Variants in ZNF652 observed in about 807,000 individuals in gnomAD.
ZNF652 encodes the protein zinc finger protein 652.
ZNF652 carries 16 observed loss-of-function variants against 45.2 expected under a neutral mutation model. The ratio of observed to expected loss-of-function variants is 0.35; its 90% confidence interval spans 0.24 to 0.54. ZNF652 has a LOEUF of 0.54. ZNF652 is among the 20% of genes least tolerant of loss of function. The pLI is 0.91. For missense variants in ZNF652, 614 were observed against 765.6 expected (o/e 0.80, Z 2.34); for synonymous variants, 250 against 260.6 (o/e 0.96, Z 0.39).
chr17:49,305,215 C>T (rs2069612767), intron 5 of ZNF652, among the ~76,000 whole-genome samples: 2 of 152,168 alleles, frequency 1.3e-5, no homozygotes, highest in Non-Finnish European at 2.9e-5. Flanking sequence ...AAAGTTCATT[C>T]AAACTTGGTG....
intron 1 of ZNF652, among the ~76,000 whole-genome samples, chr17:49,359,423 G>A (rs1169735237): frequency 6.6e-6 from 1 of 152,072 alleles, no homozygotes; most frequent in Non-Finnish European, 1.5e-5. Flanking sequence ...AGATTCCAAG[G>A]CTCCCTTGCC....
rs2069403500 is a variant in ZNF652, at chr17:49,291,472, A to G, written c.*6941T>C. The stretch of plus-strand genomic sequence containing the variant: ...CCTCACTTCCTATGAAATCATTTTC[A>G]AGTAATATGTAACATCCCTGATCTC... On this transcript the variant is annotated 3_prime_UTR_variant, in exon 6 of 6. Transcript: ENST00000430262. 1 of 152,210 alleles carries G rather than the reference A, an allele frequency of 6.6e-6. No homozygotes were observed. Among genetic ancestry groups the G allele is most frequent in the South Asian group, 2.1e-4 (1 of 4,828 alleles). 9.4% of individuals were successfully genotyped at this position (152,210 alleles called of 1,614,324 possible). A position where few individuals can be genotyped will look rare whatever the true frequency, so the allele number is the denominator to read the frequency against.
intron 1 of ZNF652, among the ~76,000 whole-genome samples, chr17:49,325,692 G>A (rs1400992355): frequency 2.6e-5 from 4 of 151,982 alleles, no homozygotes; most frequent in Admixed American, 2.6e-4. Flanking sequence ...GCATGGTGCT[G>A]CATGCCCGTG....
At position 49,312,043 on chromosome 17, in the gene ZNF652, C is replaced by T; in HGVS notation, c.1049-1G>A. ...GTAAATGGCATGTCTTTTGTGTGTGCTGCAACACAGAATGTACTTAGTGTC... is the reference window on the plus strand; with the variant it reads ...GTAAATGGCATGTCTTTTGTGTGTGTTGCAACACAGAATGTACTTAGTGTC... On this transcript the variant is annotated splice_acceptor_variant, in intron 3 of 5. Coordinates refer to ENST00000430262, the MANE Select transcript of ZNF652 (RefSeq NM_001145365.3). LOFTEE classifies it high-confidence loss of function. 6.2e-7 allele frequency: 1 copy of T among 1,606,562 alleles called. No homozygotes were observed.
intron 1 of ZNF652, among the ~76,000 whole-genome samples, chr17:49,330,311 G>C (rs1163813171): frequency 6.6e-6 from 1 of 152,064 alleles, no homozygotes; most frequent in Non-Finnish European, 1.5e-5. Flanking sequence ...TTATTATTTT[G>C]AGATGGAGTC....
chr17:49,347,083 C>A (rs1038108519), intron 1 of ZNF652, among the ~76,000 whole-genome samples: 2 of 152,122 alleles, frequency 1.3e-5, no homozygotes, highest in Non-Finnish European at 2.9e-5. Context: ...TGAAACACAC[C>A]AAATATGCTT....
chr17:49,319,417 G>A (rs1298760019), intron 1 of ZNF652, among the ~76,000 whole-genome samples: 3 of 151,490 alleles, frequency 2.0e-5, no homozygotes, highest in Non-Finnish European at 2.9e-5. Context: ...GTCGGATCAC[G>A]AGGTCAGGAG....
At chr17:49,299,601 G>A (rs1420253946) in intron 5 of ZNF652, among the ~76,000 whole-genome samples, 5 of 151,828 alleles carry the variant, frequency 3.3e-5, no homozygotes, top group Non-Finnish European at 7.4e-5. Context: ...GGCTGGTCTC[G>A]AACTCCTGAC....
intron 5 of ZNF652, among the ~76,000 whole-genome samples, chr17:49,308,407 G>C (rs1185225332): frequency 6.6e-6 from 1 of 152,138 alleles, no homozygotes; most frequent in African/African-American, 2.4e-5. Flanking sequence ...GAACCTCTGG[G>C]CTCAAGATAT....
chr17:49,321,022 C>A lies in ZNF652; in HGVS notation c.-258-3039G>T, dbSNP rs544731723. Among the ~76,000 whole-genome samples, 70 of 146,770 alleles carry A rather than the reference C, an allele frequency of 4.8e-4. No individual in the cohort carries two copies. The South Asian group carries it at 7.3e-3, about 15-fold the overall frequency. ...GAGCCACTGCACCCAGCCTAGGCTACACTTTTAAAACCACGCCCACAACTT... is the reference window on the plus strand; with the variant it reads ...GAGCCACTGCACCCAGCCTAGGCTAAACTTTTAAAACCACGCCCACAACTT... On this transcript the variant is annotated intron_variant, in intron 1 of 5. Coordinates refer to ENST00000430262, the MANE Select transcript of ZNF652 (RefSeq NM_001145365.3).
chr17:49,317,420 G>C lies in ZNF652; in HGVS notation c.306C>G (p.Asp102Glu). 6.2e-7 allele frequency: 1 copy of C among 1,614,088 alleles called. No individual in the cohort carries two copies. Among genetic ancestry groups the C allele is most frequent in the Non-Finnish European group, 8.5e-7 (1 of 1,180,032 alleles). ...AVKEDRENSDDTEEEEEEVSY... is the reference protein window; with the variant it reads ...AVKEDRENSDETEEEEEEVSY... ...AGACTTCTTCCTCTTCCTCCTCTGT[G>C]TCATCAGAATTCTCCCGGTCTTCCT... Residue 102 changes from aspartate (D) to glutamate (E), a missense_variant, in exon 2 of 6, where the codon GAC becomes GAG. Asp to Glu is a conservative substitution (Grantham distance 45, BLOSUM62 2). Transcript: ENST00000430262.
intron 1 of ZNF652, among the ~76,000 whole-genome samples, chr17:49,333,189 CT>C (rs2070043115): frequency 6.6e-6 from 1 of 151,248 alleles, no homozygotes; most frequent in Non-Finnish European, 1.5e-5. Flanking sequence ...TCCCGAGTAG[CT>C]GGGACTACAG....
chr17:49,327,731 AT>A, intron 1 of ZNF652, among the ~76,000 whole-genome samples: 2 of 5,980 alleles, frequency 3.3e-4, no homozygotes, highest in East Asian at 6.4e-3. Context: ...AAATAAATAA[AT>A]ATATATATAT....
At chr17:49,321,851 T>C (rs892320105) in intron 1 of ZNF652, among the ~76,000 whole-genome samples, 2 of 152,206 alleles carry the variant, frequency 1.3e-5, no homozygotes, top group Non-Finnish European at 2.9e-5. Flanking sequence ...GCAGCTCTAG[T>C]GGGAAAATGG....
rs2069987916 is a variant in ZNF652 at position 49,328,293 on chromosome 17, A to C, written c.-258-10310T>G. Among the ~76,000 whole-genome samples, 3 of 152,006 alleles carry C rather than the reference A, an allele frequency of 2.0e-5. No homozygotes were observed. The South Asian group carries it at 6.2e-4, about 32-fold the overall frequency. On this transcript the variant is annotated intron_variant, in intron 1 of 5. Transcript: ENST00000430262. Reference sequence around the variant, plus strand: ...AGGACAAGCAGAAGTCAGATGGAGAAGTGGGAAGGTAAGAATGTTGCACAC... The same window carrying C: ...AGGACAAGCAGAAGTCAGATGGAGACGTGGGAAGGTAAGAATGTTGCACAC...
At chr17:49,306,919 A>AT (rs2069637368) in intron 5 of ZNF652, among the ~76,000 whole-genome samples, 2 of 151,610 alleles carry the variant, frequency 1.3e-5, no homozygotes, top group Non-Finnish European at 2.9e-5. Context: ...CACTTGGCTA[A>AT]TTTTTTGTAT....
At chr17:49,326,172 G>A (rs993727514) in intron 1 of ZNF652, among the ~76,000 whole-genome samples, 3 of 150,764 alleles carry the variant, frequency 2.0e-5, no homozygotes, top group Admixed American at 6.6e-5. Context: ...CAGTACTGTG[G>A]GAGGCCAAGG....
rs1365181250 is a variant in ZNF652 at position 49,316,871 on chromosome 17, A to C, written c.855T>G (p.Ser285Arg). The C allele has an allele frequency of 6.2e-7, 1 of 1,613,922 alleles. No individual in the cohort carries two copies. Among genetic ancestry groups the C allele is most frequent in the Non-Finnish European group, 8.5e-7 (1 of 1,180,002 alleles). Reference sequence around the variant, plus strand: ...CTGTTTGCTGGTGAAGGGACAGCTCACTTTCCAGGACAAACTTCTTGCCAC... The same window carrying C: ...CTGTTTGCTGGTGAAGGGACAGCTCCCTTTCCAGGACAAACTTCTTGCCAC... ...DKCGKKFVLE[S>R]ELSLHQQTDC... The change falls in exon 2 of 6, where the codon AGT becomes AGG. Residue 285 changes from serine to arginine, a missense_variant. Transcript: ENST00000430262.
In ZNF652 at chr17:49,300,424, C is replaced by T. The variant is rs184748698; in HGVS notation, c.1310-1500G>A. On this transcript the variant is annotated intron_variant, in intron 5 of 5. Transcript: ENST00000430262. Reference sequence around the variant, plus strand: ...CTTAGAGCATTTAGAAAGGAAATTACGTTTGGGTTCTGAGGGCTTAATTTT... The same window carrying T: ...CTTAGAGCATTTAGAAAGGAAATTATGTTTGGGTTCTGAGGGCTTAATTTT... 7.2e-5 allele frequency among the ~76,000 whole-genome samples: 11 copies of T among 152,248 alleles called. No individual in the cohort carries two copies. The East Asian group carries it at 1.5e-3, about 21-fold the overall frequency.
Sources: gnomAD v4.1 joint callset for allele counts (sites outside exome capture counted in the v4.1 genomes callset) on GRCh38, gnomAD v4.1.1 for gene constraint, MANE v1.5 for transcripts, NCBI Gene and HGNC (gene_info 2026-07-23, HGNC 2026-07-21) for gene names.